HMCN2: variants seen among roughly 807,000 people sequenced by gnomAD.
The protein encoded by HMCN2 is hemicentin 2.
A neutral mutation model predicts 377.5 loss-of-function variants in HMCN2; 325 were observed. The observed-to-expected ratio is 0.86, with a 90% confidence interval of 0.79 to 0.94. The LOEUF (loss-of-function observed/expected upper bound fraction) is 0.94, where lower values mean the gene tolerates loss of function less well. Ranked by LOEUF, HMCN2 falls within the 40% of genes least tolerant of loss-of-function variation. The probability of loss-of-function intolerance (pLI) is 0.00; values close to 1 mark genes in which losing one functional copy is unlikely to be tolerated. For synonymous variants in HMCN2, 2,007 were observed against 2,046.8 expected, an observed-to-expected ratio of 0.98 and a Z score of 0.53; for missense variants, 4,543 against 4,725.3, an observed-to-expected ratio of 0.96 and a Z score of 1.13.
chr9:130,340,646 G>A (rs1477100133), intron 23 of HMCN2, among the ~76,000 whole-genome samples: 1 of 152,070 alleles, frequency 6.6e-6, no homozygotes, highest in Admixed American at 6.5e-5. Flanking sequence ...CAGCCTCCGA[G>A]TAGTTGGGAT....
At chr9:130,392,815 T>A (rs573365528) in intron 66 of HMCN2, among the ~76,000 whole-genome samples, 8 of 152,030 alleles carry the variant, frequency 5.3e-5, no homozygotes, top group South Asian at 4.2e-4. Flanking sequence ...GCTAACACGG[T>A]GAAACCCCGT....
At chr9:130,410,454 G>T (rs1316317668) in intron 84 of HMCN2, 117 bp from the exon 85 acceptor site, 1 of 814,272 alleles carries the variant, frequency 1.2e-6, no homozygotes, top group Admixed American at 2.1e-5. Context: ...GGTGCCCCTG[G>T]CTGGTTCACA....
Position 130,270,180 on chromosome 9 carries a change from ATTC to A in HMCN2, c.259+4046_259+4048del, listed in dbSNP as rs1191520448. 1.4e-5 allele frequency among the ~76,000 whole-genome samples: 2 copies of A among 145,032 alleles called. 1 individual carries two copies. The highest frequency in any genetic ancestry group is 4.0e-4 in the East Asian group (2 of 5,018). ...GGTTGCTTGTCTTTTAGTATTTGTA[ATTC>A]TTAGAAGTTTTGAAGTTTTAAATGT... On this transcript the variant is annotated intron_variant, in intron 1 of 97. Coordinates refer to ENST00000683500, the MANE Select transcript of HMCN2 (RefSeq NM_001291815.2).
At chr9:130,355,088 G>A (rs757969246) in intron 32 of HMCN2, 44 bp downstream of exon 32, 6 of 1,227,328 alleles carry the variant, frequency 4.9e-6, no homozygotes, top group South Asian at 1.4e-5. Context: ...GGCTGTGGAC[G>A]TCTGCCCAGG....
chr9:130,285,893 G>A (rs1212320991), intron 3 of HMCN2, among the ~76,000 whole-genome samples: 1 of 152,182 alleles, frequency 6.6e-6, no homozygotes, highest in Admixed American at 6.5e-5. Context: ...GCCACTCTGA[G>A]ATGAGTCGAC....
intron 62 of HMCN2, among the ~76,000 whole-genome samples, chr9:130,390,114 GC>G (rs1347071710): frequency 6.6e-6 from 1 of 152,168 alleles, no homozygotes; most frequent in African/African-American, 2.4e-5. Flanking sequence ...ACCTCCCTTT[GC>G]GTCCAGCTCT....
At chr9:130,276,079 G>A (rs1554923029) in intron 1 of HMCN2, among the ~76,000 whole-genome samples, 1 of 142,302 alleles carries the variant, frequency 7.0e-6, no homozygotes. Context: ...AGGTGAGGAA[G>A]CCATGGGTCT....
At chr9:130,417,984 C>T (rs1843785433) in intron 85 of HMCN2, among the ~76,000 whole-genome samples, 1 of 152,164 alleles carries the variant, frequency 6.6e-6, no homozygotes, top group African/African-American at 2.4e-5. Context: ...GGACAGGAAG[C>T]ATCATCCCCA....
rs113650162 is a variant in HMCN2, at chr9:130,398,828, C to T, written c.11483+121C>T. ...TGCTCAGGTCTCACCGGAGTCAGGACCAGAACTTGTGTCTCAACTTTGGGG... is the reference window on the plus strand; with the variant it reads ...TGCTCAGGTCTCACCGGAGTCAGGATCAGAACTTGTGTCTCAACTTTGGGG... On this transcript the variant is annotated intron_variant, in intron 75 of 97. Coordinates refer to ENST00000683500, the MANE Select transcript of HMCN2 (RefSeq NM_001291815.2). 289 of 866,580 alleles carry T rather than the reference C, an allele frequency of 3.3e-4. No individual in the cohort carries two copies. The African/African-American group carries it at 3.3e-3, about 10-fold the overall frequency. 53.7% of individuals were successfully genotyped at this position (866,580 alleles called of 1,614,324 possible). A position where few individuals can be genotyped will look rare whatever the true frequency, so the allele number is the denominator to read the frequency against.
At position 130,433,828 on chromosome 9, in the gene HMCN2, C is replaced by T; in HGVS notation, c.*135C>T. The T allele has an allele frequency of 1.4e-6, 1 of 720,666 alleles. No individual in the cohort carries two copies. Among genetic ancestry groups the T allele is most frequent in the Non-Finnish European group, 2.1e-6 (1 of 475,862 alleles). The allele number at this position is 720,666 out of a possible 1,614,324, so 44.6% of individuals were successfully genotyped here. A position where few individuals can be genotyped will look rare whatever the true frequency, so the allele number is the denominator to read the frequency against. On this transcript the variant is annotated 3_prime_UTR_variant, in exon 98 of 98. Transcript: ENST00000683500. ...CCCGTGCGTCAGCGAGACCTTGGGT[C>T]AACACGACCCTGCGCACAGCCTTGA...
intron 1 of HMCN2, among the ~76,000 whole-genome samples, chr9:130,281,513 A>T (rs1835118042): frequency 6.6e-6 from 1 of 151,582 alleles, no homozygotes. Flanking sequence ...CACAAGAATG[A>T]CTTGAGCCTG....
intron 18 of HMCN2, among the ~76,000 whole-genome samples, chr9:130,321,392 C>T (rs1837843304): frequency 6.6e-6 from 1 of 152,166 alleles, no homozygotes; most frequent in Admixed American, 6.5e-5. Context: ...CTTTCATTAC[C>T]TCTTCCCTTT....
In HMCN2 at chr9:130,397,195, T is replaced by C. The variant is rs139182962; in HGVS notation, c.11199-333T>C. ...TGGTGGAAGGAAAGGAGGAACAAGT[T>C]ACATCTTACGTGGATGGCAGCAGGC... On this transcript the variant is annotated intron_variant, in intron 73 of 97. Coordinates refer to ENST00000683500, the MANE Select transcript of HMCN2 (RefSeq NM_001291815.2). 6.6e-5 allele frequency among the ~76,000 whole-genome samples: 10 copies of C among 152,318 alleles called. No homozygotes were observed. In the East Asian group the frequency reaches 9.6e-4, roughly 15 times the overall value.
intron 3 of HMCN2, 24 bp downstream of exon 3, chr9:130,285,340 C>A (rs1554927305): frequency 6.4e-6 from 3 of 470,166 alleles, no homozygotes; most frequent in African/African-American, 4.0e-5. Flanking sequence ...CTGTGGGGGC[C>A]CAAAGTGGGG....
chr9:130,290,091 G>C (rs567010958), intron 4 of HMCN2, among the ~76,000 whole-genome samples: 1 of 152,178 alleles, frequency 6.6e-6, no homozygotes, highest in East Asian at 1.9e-4. Flanking sequence ...CCAGTGCATC[G>C]CAGGCTCGCT....
In HMCN2 at chr9:130,302,837, G is replaced by A. The variant is rs1320917187; in HGVS notation, c.1277-20G>A. ...AAGGGGCGGTGGGGAGACATTCTGA[G>A]TCCTGGTCCCCGCCTACAGGCGCTC... On this transcript the variant is annotated intron_variant, in intron 8 of 97. Transcript: ENST00000683500. 1.1e-5 allele frequency: 5 copies of A among 451,608 alleles called. No homozygotes were observed. The highest frequency in any genetic ancestry group is 2.3e-5 in the Non-Finnish European group (5 of 216,230). 28.0% of individuals were successfully genotyped at this position (451,608 alleles called of 1,614,324 possible).
At chr9:130,358,063 A>T (rs1459877377) in intron 35 of HMCN2, 75 bp downstream of exon 35, 1 of 1,188,274 alleles carries the variant, frequency 8.4e-7, no homozygotes, top group Non-Finnish European at 1.1e-6. Flanking sequence ...CTTCCTGGAG[A>T]CTCTGAGCAA....
At position 130,422,979 on chromosome 9, in the gene HMCN2, G is replaced by A. The variant is rs189733394; in HGVS notation, c.13381+253G>A. ...CTGCATTTACAGTCAGACCAAGAGT[G>A]TGTGAAACGGTCAGTGTTCTGGGGG... On this transcript the variant is annotated intron_variant, in intron 87 of 97. Coordinates refer to ENST00000683500, the MANE Select transcript of HMCN2 (RefSeq NM_001291815.2). The surrounding 1 kb of genome is among the most constrained non-coding windows in gnomAD (Gnocchi z 4.2). Among the ~76,000 whole-genome samples the A allele has an allele frequency of 5.8e-4, 89 of 152,298 alleles. No homozygotes were observed. The highest frequency in any genetic ancestry group is 2.1e-3 in the African/African-American group (87 of 41,562).
Position 130,334,691 on chromosome 9 carries a change from C to CTCTT in HMCN2, c.3360-3187_3360-3184dup, listed in dbSNP as rs1427183192. ...GAGTCTGGAGCTGCTCTTTCTTTCT[C>CTCTT]TCTTTCTTTCTTTCTTTCTCTCTCT... On this transcript the variant is annotated intron_variant, in intron 22 of 97. Transcript: ENST00000683500. Among the ~76,000 whole-genome samples the CTCTT allele has an allele frequency of 2.7e-3, 397 of 145,094 alleles. 2 individuals carry two copies. The highest frequency in any genetic ancestry group is 6.8e-3 in the African/African-American group (272 of 40,006).
Sources: gnomAD v4.1 joint callset for allele counts (sites outside exome capture counted in the v4.1 genomes callset) on GRCh38, gnomAD v4.1.1 for gene constraint, Gnocchi (gnomAD v3.1) non-coding constraint, MANE v1.5 for transcripts, NCBI Gene and HGNC (gene_info 2026-07-23, HGNC 2026-07-21) for gene names.